RAB30: variants seen among roughly 807,000 people sequenced by gnomAD.
The protein encoded by RAB30 is RAB30, member RAS oncogene family.
Under a neutral mutation model 25.1 loss-of-function variants are expected in RAB30, and 9 were observed. The observed-to-expected ratio is 0.36, with a 90% confidence interval of 0.22 to 0.63. The LOEUF (loss-of-function observed/expected upper bound fraction) is 0.63, where lower values mean the gene tolerates loss of function less well. Ranked by LOEUF, RAB30 falls within the 20% of genes least tolerant of loss-of-function variation. The pLI is 0.69. For synonymous variants in RAB30, 77 were observed against 86.4 expected (o/e 0.89, Z 0.60); for missense variants, 140 against 243.5 (o/e 0.58, Z 2.83).
chr11:82,987,552 C>T, intron 4 of RAB30, 35 bp downstream of exon 4: 1 of 1,567,920 alleles, frequency 6.4e-7, no homozygotes, highest in Non-Finnish European at 8.7e-7. Context: ...CTAATGCCCA[C>T]AAATCAATTT....
rs1038520700 is a variant in RAB30, at chr11:83,007,689, C to T, written c.-8-10365G>A. 9.2e-5 allele frequency among the ~76,000 whole-genome samples: 14 copies of T among 152,350 alleles called. No individual in the cohort carries two copies. The East Asian group carries it at 9.6e-4, about 10-fold the overall frequency. Reference sequence around the variant, plus strand: ...GGAAGAGGCCACCGCTTAGGACCCACTCAGTTAACTCCCCAGGCGGGGCTA... The same window carrying T: ...GGAAGAGGCCACCGCTTAGGACCCATTCAGTTAACTCCCCAGGCGGGGCTA... On this transcript the variant is annotated intron_variant, in intron 1 of 4. Transcript: ENST00000527633.
intron 1 of RAB30, among the ~76,000 whole-genome samples, chr11:83,032,327 G>A (rs1857884090): frequency 6.6e-6 from 1 of 152,202 alleles, no homozygotes. Flanking sequence ...ACAAACACAG[G>A]TGGTTAAACT....
chr11:82,974,390 T>C lies in RAB30; in HGVS notation c.*7775A>G, dbSNP rs989892915. 3 of 152,182 alleles carry C rather than the reference T, an allele frequency of 2.0e-5. No homozygotes were observed. The East Asian group carries it at 5.8e-4, about 29-fold the overall frequency. The allele number at this position is 152,182 out of a possible 1,614,324, so 9.4% of individuals were successfully genotyped here. On this transcript the variant is annotated 3_prime_UTR_variant, in exon 5 of 5. Transcript: ENST00000527633. ...CTTTCTACAGAAGGTTTTCAGCTAA[T>C]TGGACTCGGGTCATCAGTGGGTTAT... is the stretch of plus-strand genomic sequence containing the variant.
intron 1 of RAB30, among the ~76,000 whole-genome samples, chr11:83,069,300 G>T (rs1858777936): frequency 6.6e-6 from 1 of 152,198 alleles, no homozygotes; most frequent in Non-Finnish European, 1.5e-5. Flanking sequence ...GGTCTAAGAG[G>T]ACAGCTTCTG....
intron 4 of RAB30, among the ~76,000 whole-genome samples, chr11:82,982,861 CA>C (rs989958981): frequency 6.6e-6 from 1 of 150,978 alleles, no homozygotes; most frequent in East Asian, 1.9e-4. Context: ...GACTCTGTCT[CA>C]AAAAAAATAA....
intron 1 of RAB30, among the ~76,000 whole-genome samples, chr11:83,037,813 A>G (rs1858018468): frequency 6.6e-6 from 1 of 152,196 alleles, no homozygotes; most frequent in African/African-American, 2.4e-5. Context: ...GTGAAGATAA[A>G]GTGTTTGGGG....
chr11:83,023,567 A>C (rs1267373088), intron 1 of RAB30, among the ~76,000 whole-genome samples: 2 of 152,120 alleles, frequency 1.3e-5, no homozygotes, highest in East Asian at 3.8e-4. Context: ...CAGTGCTGAG[A>C]GCCCCAGCTG....
chr11:83,040,478 C>T (rs994251367), intron 1 of RAB30, among the ~76,000 whole-genome samples: 1 of 151,818 alleles, frequency 6.6e-6, no homozygotes, highest in Non-Finnish European at 1.5e-5. Flanking sequence ...GTAATTCCAG[C>T]TACTCAGGAG....
chr11:83,010,601 G>A (rs894878977), intron 1 of RAB30, among the ~76,000 whole-genome samples: 1 of 152,058 alleles, frequency 6.6e-6, no homozygotes, highest in Admixed American at 6.5e-5. Flanking sequence ...CAATAGTGGG[G>A]AGGGAAACAT....
At chr11:83,018,410 T>G (rs1857490583) in intron 1 of RAB30, among the ~76,000 whole-genome samples, 1 of 152,222 alleles carries the variant, frequency 6.6e-6, no homozygotes, top group African/African-American at 2.4e-5. Flanking sequence ...GGTATCTCAT[T>G]GTGGTTTTAA....
At chr11:83,037,612 G>A (rs1226044362) in intron 1 of RAB30, among the ~76,000 whole-genome samples, 1 of 152,112 alleles carries the variant, frequency 6.6e-6, no homozygotes, top group Admixed American at 6.6e-5. Flanking sequence ...ATGGTGAAGG[G>A]AACAAACTCC....
intron 1 of RAB30, among the ~76,000 whole-genome samples, chr11:83,052,713 T>C (rs1858381853): frequency 6.6e-6 from 1 of 152,202 alleles, no homozygotes; most frequent in Non-Finnish European, 1.5e-5. Flanking sequence ...GTTCAAGGCC[T>C]CTAAGAACCA....
intron 1 of RAB30, among the ~76,000 whole-genome samples, chr11:83,000,927 G>A (rs1857066383): frequency 6.6e-6 from 1 of 151,384 alleles, no homozygotes; most frequent in African/African-American, 2.4e-5. Context: ...GGCGCCTGTA[G>A]TCCCAGCTAC....
intron 1 of RAB30, among the ~76,000 whole-genome samples, chr11:83,039,819 GA>G (rs918860075): frequency 6.6e-6 from 1 of 152,106 alleles, no homozygotes; most frequent in African/African-American, 2.4e-5. Flanking sequence ...AAAAAAGGCT[GA>G]AAAAATGGCC....
intron 2 of RAB30, 137 bp from the exon 3 acceptor site, chr11:82,994,259 A>C (rs539237929): frequency 2.9e-6 from 2 of 682,832 alleles, no homozygotes; most frequent in African/African-American, 3.6e-5. Flanking sequence ...AACTCTGGTT[A>C]CTCTCAAGGG....
At chr11:82,995,455 A>C (rs1264463401) in intron 2 of RAB30, among the ~76,000 whole-genome samples, 1 of 152,204 alleles carries the variant, frequency 6.6e-6, no homozygotes, top group African/African-American at 2.4e-5. Flanking sequence ...AATTCTTCCC[A>C]ATGTTTCACC....
chr11:83,020,897 C>T (rs1364499125), intron 1 of RAB30, among the ~76,000 whole-genome samples: 2 of 151,952 alleles, frequency 1.3e-5, no homozygotes, highest in Non-Finnish European at 2.9e-5. Flanking sequence ...GATGACCTGC[C>T]CGCAGAGAGG....
chr11:83,014,825 A>G lies in RAB30; in HGVS notation c.-8-17501T>C, dbSNP rs528987826. Among the ~76,000 whole-genome samples the G allele has an allele frequency of 2.2e-4, 34 of 151,202 alleles. No homozygotes were observed. In the East Asian group the frequency reaches 3.9e-3, roughly 17 times the overall value. On this transcript the variant is annotated intron_variant, in intron 1 of 4. Coordinates refer to ENST00000527633, the MANE Select transcript of RAB30 (RefSeq NM_001286060.2). ...GGGAGGCAGGAAGGAAGGAAGGAAG[A>G]GAGAAGGGAAAGGAAAGGAAAGGAA...
At chr11:83,068,452 C>T (rs941430923) in intron 1 of RAB30, among the ~76,000 whole-genome samples, 2 of 152,174 alleles carry the variant, frequency 1.3e-5, no homozygotes, top group Non-Finnish European at 2.9e-5. Flanking sequence ...ATCTCCTCTA[C>T]TTAACAGCCA....
Sources: allele counts gnomAD v4.1 joint callset (sites outside exome capture counted in the v4.1 genomes callset), GRCh38; gene constraint gnomAD v4.1.1; transcripts MANE v1.5; gene names NCBI Gene and HGNC (gene_info 2026-07-23, HGNC 2026-07-21).